The following ZNF239 variants were observed in gnomAD, a reference collection of about 807,000 sequenced individuals.
ZNF239 encodes zinc finger protein 239, also known as zinc finger protein (C2H2) homologous to mouse MOK-2.
A neutral mutation model predicts 27.5 loss-of-function variants in ZNF239; 16 were observed. That is an observed-to-expected ratio of 0.58 (90% CI 0.39 to 0.88). The LOEUF (loss-of-function observed/expected upper bound fraction) is 0.88, where lower values mean the gene tolerates loss of function less well. ZNF239 is among the 40% of genes least tolerant of loss of function. The pLI is 0.00. For missense variants in ZNF239, 527 were observed against 551.9 expected (o/e 0.95, Z 0.45); for synonymous variants, 199 against 192.6 (o/e 1.03, Z -0.27).
rs1006912739 is a variant in ZNF239, at chr10:43,573,655, T to C, written c.-234A>G. On this transcript the variant is annotated 5_prime_UTR_variant, in exon 2 of 4. Transcript: ENST00000374446. ...AACTCACCCGGACCCTGGTCATTTC[T>C]TACTCCCAGAGGGGATGGATTCCTG... 1.5e-5 allele frequency: 15 copies of C among 985,414 alleles called. No homozygotes were observed. Among genetic ancestry groups the C allele is most frequent in the Non-Finnish European group, 1.8e-5 (15 of 829,920 alleles). 61.0% of individuals were successfully genotyped at this position (985,414 alleles called of 1,614,324 possible). A position where few individuals can be genotyped will look rare whatever the true frequency, so the allele number is the denominator to read the frequency against.
Position 43,573,625 on chromosome 10 carries a change from A to T in ZNF239, c.-216+12T>A, listed in dbSNP as rs1043345154. 1 of 985,464 alleles carries T rather than the reference A, an allele frequency of 1.0e-6. No individual in the cohort carries two copies. Among genetic ancestry groups the T allele is most frequent in the Non-Finnish European group, 1.2e-6 (1 of 829,944 alleles). The allele number at this position is 985,464 out of a possible 1,614,324, so 61.0% of individuals were successfully genotyped here. On this transcript the variant is annotated intron_variant, in intron 2 of 3. Coordinates refer to ENST00000374446, the MANE Select transcript of ZNF239 (RefSeq NM_001099282.2). ...GAGATGGCATTTTAGGAGAAATGGAACGCCAACTCACCCGGACCCTGGTCA... is the reference window on the plus strand; with the variant it reads ...GAGATGGCATTTTAGGAGAAATGGATCGCCAACTCACCCGGACCCTGGTCA...
intron 2 of ZNF239, 42 bp downstream of exon 2, chr10:43,573,595 T>G: frequency 2.0e-6 from 2 of 984,886 alleles, no homozygotes; most frequent in Non-Finnish European, 2.4e-6. Context: ...CAGGGACATT[T>G]CAGGGAGATG....
At chr10:43,563,559 T>C (rs781369235) in intron 3 of ZNF239, among the ~76,000 whole-genome samples, 8 of 152,188 alleles carry the variant, frequency 5.3e-5, no homozygotes, top group Non-Finnish European at 8.8e-5. Flanking sequence ...TATTATACTG[T>C]GTTGTTTGAG....
rs1339555957 is a variant in ZNF239, at chr10:43,556,841, G to A, written c.1239C>T (p.Ser413=). 11 of 1,612,758 alleles carry A rather than the reference G, an allele frequency of 6.8e-6. No homozygotes were observed. Among genetic ancestry groups the A allele is most frequent in the Middle Eastern group, 1.6e-4 (1 of 6,070 alleles). Residue 413 remains serine, a synonymous_variant, in exon 4 of 4, where the codon AGC becomes AGT. Transcript: ENST00000374446. ...YHCGKCGKGF[S]QSSKLLIHQR... is the part of the protein sequence containing the mutation. ...GGTGGATGAGGAGTTTGGAACTCTGGCTAAATCCCTTCCCACACTTGCCAC... is the reference window on the plus strand; with the variant it reads ...GGTGGATGAGGAGTTTGGAACTCTGACTAAATCCCTTCCCACACTTGCCAC...
At chr10:43,561,013 T>A (rs569884975) in intron 3 of ZNF239, among the ~76,000 whole-genome samples, 3 of 152,300 alleles carry the variant, frequency 2.0e-5, no homozygotes, top group Admixed American at 6.5e-5. Flanking sequence ...TAGATATGTG[T>A]CAGGCTGTTT....
intron 3 of ZNF239, 102 bp from the exon 4 acceptor site, chr10:43,558,273 T>G: frequency 9.0e-7 from 1 of 1,115,880 alleles, no homozygotes; most frequent in African/African-American, 1.6e-5. Context: ...AGGAAAAAGT[T>G]CAGCTTGTCT....
intron 3 of ZNF239, among the ~76,000 whole-genome samples, chr10:43,564,843 T>C (rs1296322464): frequency 6.6e-6 from 1 of 152,092 alleles, no homozygotes; most frequent in Non-Finnish European, 1.5e-5. Context: ...AGAAACCGAA[T>C]ATAGTCATGG....
In ZNF239 at chr10:43,568,364, T is replaced by C. The variant is rs2393938; in HGVS notation, c.-215-343A>G. On this transcript the variant is annotated intron_variant, in intron 2 of 3. Coordinates refer to ENST00000374446, the MANE Select transcript of ZNF239 (RefSeq NM_001099282.2). Reference sequence around the variant, plus strand: ...ACAACCTTAACACTCGCAGGAACAATTTACCCAACACTCTGACCTCACATT... The same window carrying C: ...ACAACCTTAACACTCGCAGGAACAACTTACCCAACACTCTGACCTCACATT... The C allele has an allele frequency of 0.14, 137,817 of 985,210 alleles. 10,290 individuals carry two copies. Among genetic ancestry groups the C allele is most frequent in the East Asian group, 0.45 (3,995 of 8,796 alleles). The allele number at this position is 985,210 out of a possible 1,614,324, so 61.0% of individuals were successfully genotyped here.
In ZNF239 at chr10:43,556,961, C is replaced by T; in HGVS notation, c.1119G>A (p.Lys373=). ...TCCCACACTCATAGCATTGGTAAGG[C>T]TTCTCTCCTGTGTGGATGCACCGGT... ...HIHRCIHTGE[K]PYQCYECGKG... is the part of the protein sequence containing the mutation. The change falls in exon 4 of 4, where the codon AAG becomes AAA. Residue 373 remains lysine, a synonymous_variant. Coordinates refer to ENST00000374446, the MANE Select transcript of ZNF239 (RefSeq NM_001099282.2). The T allele has an allele frequency of 6.2e-7, 1 of 1,612,796 alleles. No individual in the cohort carries two copies. Among genetic ancestry groups the T allele is most frequent in the Non-Finnish European group, 8.5e-7 (1 of 1,179,680 alleles).
rs1366791386 is a variant in ZNF239, at chr10:43,557,393, G to T, written c.687C>A (p.His229Gln). ...CACATTTGTAGGGTTTTTCTTCTGTGTGGTCTCTCTGATGAAGTAGTAGCT... is the reference window on the plus strand; with the variant it reads ...CACATTTGTAGGGTTTTTCTTCTGTTTGGTCTCTCTGATGAAGTAGTAGCT... ...SSELLLHQRD[H>Q]TEEKPYKCEQ... Residue 229 changes from histidine to glutamine, a missense_variant, in exon 4 of 4, where the codon CAC (histidine) becomes CAA (glutamine). Coordinates refer to ENST00000374446, the MANE Select transcript of ZNF239 (RefSeq NM_001099282.2). 3 of 1,614,212 alleles carry T rather than the reference G, an allele frequency of 1.9e-6. No individual in the cohort carries two copies. The highest frequency in any genetic ancestry group is 2.5e-6 in the Non-Finnish European group (3 of 1,180,044).
chr10:43,559,328 G>C (rs928015172), intron 3 of ZNF239, among the ~76,000 whole-genome samples: 4 of 152,200 alleles, frequency 2.6e-5, no homozygotes, highest in African/African-American at 4.8e-5. Flanking sequence ...GGCTGCCATA[G>C]CAAATCAGAA....
rs1837076547 is a variant in ZNF239 at position 43,559,629 on chromosome 10, G to A, written c.-92-1458C>T. Among the ~76,000 whole-genome samples, 6 of 151,994 alleles carry A rather than the reference G, an allele frequency of 3.9e-5. No homozygotes were observed. In the South Asian group the frequency reaches 1.2e-3, roughly 32 times the overall value. ...ATATAGGTCTGGAACTCCTGTGAGAGAACTGTGCTAGGAATACAGAGTTTA... is the reference window on the plus strand; with the variant it reads ...ATATAGGTCTGGAACTCCTGTGAGAAAACTGTGCTAGGAATACAGAGTTTA... On this transcript the variant is annotated intron_variant, in intron 3 of 3. Transcript: ENST00000374446.
At chr10:43,571,605 C>G (rs1385805706) in intron 2 of ZNF239, among the ~76,000 whole-genome samples, 1 of 152,132 alleles carries the variant, frequency 6.6e-6, no homozygotes, top group African/African-American at 2.4e-5. Flanking sequence ...GTTGCCCAGG[C>G]TGGAGTGCAG....
In ZNF239 at chr10:43,556,729, G is replaced by C; in HGVS notation, c.1351C>G (p.Arg451Gly). The change falls in exon 4 of 4, where the codon CGG becomes GGG. Residue 451 changes from arginine (R) to glycine (G), a missense_variant. Arg to Gly is a moderately radical substitution (Grantham distance 125, BLOSUM62 -2). Transcript: ENST00000374446. ...SQSSNLHIHQ[R>G]VHKKDPR ...TAGCGAGGATCTTTCTTGTGAACCCGCTGGTGGATGTGAAGGTTGGAGCTC... is the reference window on the plus strand; with the variant it reads ...TAGCGAGGATCTTTCTTGTGAACCCCCTGGTGGATGTGAAGGTTGGAGCTC... 1 of 1,613,760 alleles carries C rather than the reference G, an allele frequency of 6.2e-7. No homozygotes were observed. Among genetic ancestry groups the C allele is most frequent in the Non-Finnish European group, 8.5e-7 (1 of 1,179,800 alleles).
intron 3 of ZNF239, among the ~76,000 whole-genome samples, chr10:43,565,035 T>C (rs1170996271): frequency 6.6e-6 from 1 of 152,190 alleles, no homozygotes; most frequent in Non-Finnish European, 1.5e-5. Flanking sequence ...GGGGCAATAA[T>C]GTCCCCAAGG....
Position 43,574,564 on chromosome 10 carries a change from C to CA in ZNF239, c.-282dup, listed in dbSNP as rs1319366758. 1 of 152,316 alleles carries CA rather than the reference C, an allele frequency of 6.6e-6. No homozygotes were observed. The highest frequency in any genetic ancestry group is 2.4e-5 in the African/African-American group (1 of 41,472). The allele number at this position is 152,316 out of a possible 1,614,324, so 9.4% of individuals were successfully genotyped here. A position where few individuals can be genotyped will look rare whatever the true frequency, so the allele number is the denominator to read the frequency against. ...CCTCCCACGTGGAACCCCACGCCTGCAGGGGCCAGATTCCGGATGCTGACC... is the reference window on the plus strand; with the variant it reads ...CCTCCCACGTGGAACCCCACGCCTGCAAGGGGCCAGATTCCGGATGCTGACC... On this transcript the variant is annotated 5_prime_UTR_variant, in exon 1 of 4. Coordinates refer to ENST00000374446, the MANE Select transcript of ZNF239 (RefSeq NM_001099282.2).
At chr10:43,567,069 C>G (rs1837707607) in intron 3 of ZNF239, among the ~76,000 whole-genome samples, 1 of 151,486 alleles carries the variant, frequency 6.6e-6, no homozygotes, top group South Asian at 2.1e-4. Context: ...ACTCCAGACT[C>G]CAGCCTGGAC....
chr10:43,573,215 C>T (rs1449363009), intron 2 of ZNF239, among the ~76,000 whole-genome samples: 1 of 151,796 alleles, frequency 6.6e-6, no homozygotes, highest in East Asian at 1.9e-4. Context: ...TTTTTGTGTA[C>T]AGGTAATATA....
At chr10:43,570,355 C>T (rs925161322) in intron 2 of ZNF239, 51 of 985,294 alleles carry the variant, frequency 5.2e-5, no homozygotes, top group Admixed American at 1.2e-4. Flanking sequence ...TGCCTTCAAG[C>T]TCCATCACCA....
Sources: allele counts gnomAD v4.1 joint callset (sites outside exome capture counted in the v4.1 genomes callset), GRCh38; gene constraint gnomAD v4.1.1; transcripts MANE v1.5; gene names NCBI Gene and HGNC (gene_info 2026-07-23, HGNC 2026-07-21).